WDPCP: variants seen among roughly 807,000 people sequenced by gnomAD.
WDPCP encodes WD repeat-containing and planar cell polarity effector protein fritz homolog.
Under a neutral mutation model 93.1 loss-of-function variants are expected in WDPCP, and 71 were observed. The ratio of observed to expected loss-of-function variants is 0.76; its 90% CI spans 0.63 to 0.93. The LOEUF is 0.93. WDPCP is among the 40% of genes least tolerant of loss of function. The pLI, the probability that WDPCP is intolerant of heterozygous loss-of-function variation, is 0.00. For missense variants in WDPCP, 844 were observed against 887.4 expected, an observed-to-expected ratio of 0.95 and a Z score of 0.62; for synonymous variants, 315 against 315.0, an observed-to-expected ratio of 1.00 and a Z score of 0.00.
At chr2:63,132,702 T>C (rs1670368437) in intron 17 of WDPCP, among the ~76,000 whole-genome samples, 1 of 152,076 alleles carries the variant, frequency 6.6e-6, no homozygotes, top group African/African-American at 2.4e-5. Flanking sequence ...GTTCTTTTAA[T>C]AATGTCTATC....
At chr2:63,700,046 G>C (rs942246408) in intron 2 of WDPCP, among the ~76,000 whole-genome samples, 4 of 152,048 alleles carry the variant, frequency 2.6e-5, no homozygotes, top group Admixed American at 1.3e-4. Flanking sequence ...AGCATGGTGA[G>C]AGGCTGAGGC....
intron 10 of WDPCP, among the ~76,000 whole-genome samples, chr2:63,402,295 AAC>A (rs1694212121): frequency 6.6e-6 from 1 of 152,136 alleles, no homozygotes; most frequent in Non-Finnish European, 1.5e-5. Context: ...GGAGGGGAAC[AAC>A]ACACACAAGG....
At chr2:63,613,812 G>A (rs943151513) in intron 3 of WDPCP, among the ~76,000 whole-genome samples, 1 of 152,172 alleles carries the variant, frequency 6.6e-6, no homozygotes, top group Non-Finnish European at 1.5e-5. Flanking sequence ...CAAGCACAGG[G>A]AGAGGTTATC....
At chr2:63,494,288 G>C (rs1701075968) in intron 1 of WDPCP, among the ~76,000 whole-genome samples, 1 of 6,666 alleles carries the variant, frequency 1.5e-4, no homozygotes. Flanking sequence ...TGATGATGAT[G>C]ACGACGACGA....
At chr2:63,342,672 C>T (rs984025977) in intron 12 of WDPCP, among the ~76,000 whole-genome samples, 4 of 152,100 alleles carry the variant, frequency 2.6e-5, no homozygotes, top group African/African-American at 4.8e-5. Flanking sequence ...TTATTATTGT[C>T]ATAAATTACA....
chr2:63,141,127 T>C (rs527455890), intron 17 of WDPCP, among the ~76,000 whole-genome samples: 210 of 152,182 alleles, frequency 1.4e-3, no homozygotes, highest in Non-Finnish European at 2.6e-3. Context: ...TTGCCCAGGC[T>C]GTAGTGCAAT....
chr2:63,273,904 G>C lies in WDPCP; in HGVS notation c.1813-14495C>G, dbSNP rs1406920642. On this transcript the variant is annotated intron_variant, in intron 13 of 17. Transcript: ENST00000272321. Reference sequence around the variant, plus strand: ...GACAGACTTAAATACAATAGTTGGAGACTTCAACACTTTTCATTCTCAGCA... The same window carrying C: ...GACAGACTTAAATACAATAGTTGGACACTTCAACACTTTTCATTCTCAGCA... Among the ~76,000 whole-genome samples the C allele has an allele frequency of 3.3e-5, 5 of 151,974 alleles. No homozygotes were observed. In the East Asian group the frequency reaches 7.7e-4, roughly 23 times the overall value.
chr2:63,807,270 A>G (rs991484330), intron 2 of WDPCP, among the ~76,000 whole-genome samples: 2 of 152,220 alleles, frequency 1.3e-5, no homozygotes, highest in African/African-American at 4.8e-5. Flanking sequence ...GTGTTGGACC[A>G]TAAGAGGGGA....
At position 63,819,414 on chromosome 2, in the gene WDPCP, G is replaced by T. The variant is rs543715061; in HGVS notation, n.223-5707C>A. Among the ~76,000 whole-genome samples the T allele has an allele frequency of 5.3e-5, 8 of 151,818 alleles. No individual in the cohort carries two copies. The Middle Eastern group carries it at 0.014, about 262-fold the overall frequency. On this transcript the variant is annotated intron_variant and non_coding_transcript_variant, in intron 1 of 4. Transcript: ENST00000467687. ...TGTGAGTTCCTCAGCACGTTTACAG[G>T]TCAGGTGGCTTGGGTTTCCCTAATA...
chr2:63,828,794 T>A (rs1322155166), upstream of WDPCP, among the ~76,000 whole-genome samples: 1 of 152,166 alleles, frequency 6.6e-6, no homozygotes, highest in Non-Finnish European at 1.5e-5. Flanking sequence ...TTCTAATGTT[T>A]TAAACTCTTG....
intron 14 of WDPCP, among the ~76,000 whole-genome samples, chr2:63,196,910 A>C (rs13000147): frequency 0.13 from 19,994 of 152,282 alleles, 1,711 homozygotes; most frequent in Middle Eastern, 0.23. Context: ...TGACTGTTCA[A>C]GACTGCTTTT....
intron 6 of WDPCP, among the ~76,000 whole-genome samples, chr2:63,467,139 G>C (rs1185249853): frequency 6.6e-6 from 1 of 152,150 alleles, no homozygotes; most frequent in Non-Finnish European, 1.5e-5. Context: ...TTGGATTGAA[G>C]TAGTCAAGAT....
chr2:63,252,306 G>T (rs1039688071), intron 14 of WDPCP, among the ~76,000 whole-genome samples: 1 of 152,150 alleles, frequency 6.6e-6, no homozygotes, highest in Admixed American at 6.5e-5. Context: ...AGCCATCTAT[G>T]ACAAACCCAT....
At chr2:63,355,408 G>T (rs1689946941) in intron 12 of WDPCP, among the ~76,000 whole-genome samples, 1 of 152,164 alleles carries the variant, frequency 6.6e-6, no homozygotes, top group Admixed American at 6.5e-5. Flanking sequence ...TGTTGAGGTA[G>T]TTCATTACCA....
chr2:63,757,408 G>GA (rs151242922), intron 2 of WDPCP, among the ~76,000 whole-genome samples: 1,866 of 152,260 alleles, frequency 0.012, 17 homozygotes, highest in Non-Finnish European at 0.015. Flanking sequence ...AGAGAAGGCA[G>GA]AAAATCTGTC....
chr2:63,174,334 A>G (rs920796005), intron 15 of WDPCP, among the ~76,000 whole-genome samples: 1 of 152,094 alleles, frequency 6.6e-6, no homozygotes, highest in Non-Finnish European at 1.5e-5. Flanking sequence ...TATTATATAA[A>G]TTATAATTCA....
chr2:63,310,985 G>A (rs1686142790), intron 13 of WDPCP, among the ~76,000 whole-genome samples: 1 of 152,148 alleles, frequency 6.6e-6, no homozygotes, highest in Admixed American at 6.5e-5. Context: ...AAATGATTTA[G>A]TAACTTCCTA....
At chr2:63,398,972 CT>C (rs1693951312) in intron 10 of WDPCP, among the ~76,000 whole-genome samples, 2 of 152,020 alleles carry the variant, frequency 1.3e-5, no homozygotes, top group Non-Finnish European at 2.9e-5. Context: ...ACTGGGTTTT[CT>C]TTTAAAAATC....
Position 63,814,323 on chromosome 2 carries a change from C to T in WDPCP, n.223-616G>A, listed in dbSNP as rs115048271. ...GGGGAAATCTACTCAATGGATGATT[C>T]GAAAAAAAAATATGTCTTTCCTGGT... On this transcript the variant is annotated intron_variant and non_coding_transcript_variant, in intron 1 of 4. Transcript: ENST00000467687. 4.3e-3 allele frequency among the ~76,000 whole-genome samples: 636 copies of T among 149,410 alleles called. 6 individuals carry two copies. The highest frequency in any genetic ancestry group is 0.015 in the African/African-American group (607 of 40,540).
Sources: gnomAD v4.1 joint callset for allele counts (sites outside exome capture counted in the v4.1 genomes callset) on GRCh38, gnomAD v4.1.1 for gene constraint, MANE v1.5 for transcripts, NCBI Gene and HGNC (gene_info 2026-07-23, HGNC 2026-07-21) for gene names.